TTC7B: variants seen among roughly 807,000 people sequenced by gnomAD.
TTC7B encodes tetratricopeptide repeat domain 7B, also known as tetratricopeptide repeat protein 7B.
Under a neutral mutation model 106.8 loss-of-function variants are expected in TTC7B, and 28 were observed. The observed-to-expected ratio is 0.26, with a 90% confidence interval of 0.19 to 0.36. TTC7B has a LOEUF of 0.36. Among genes scored for constraint, TTC7B ranks in the 10% least tolerant of loss-of-function variants. The pLI, the probability that TTC7B is intolerant of heterozygous loss-of-function variation, is 1.00. For missense variants in TTC7B, 862 were observed against 1,076.4 expected (o/e 0.80, Z 2.79); for synonymous variants, 405 against 430.6 (o/e 0.94, Z 0.74).
chr14:90,685,635 T>A (rs1887224941), intron 7 of TTC7B, among the ~76,000 whole-genome samples: 1 of 151,992 alleles, frequency 6.6e-6, no homozygotes, highest in Non-Finnish European at 1.5e-5. Context: ...ACGACTTAAA[T>A]TACTAAAATG....
At chr14:90,659,295 GT>G (rs146985420) in intron 9 of TTC7B, among the ~76,000 whole-genome samples, 1 of 149,084 alleles carries the variant, frequency 6.7e-6, no homozygotes, top group African/African-American at 2.5e-5. Flanking sequence ...AAGGGGAGGT[GT>G]TTTTTTTTAG....
At chr14:90,767,814 T>C (rs1242251693) in intron 3 of TTC7B, among the ~76,000 whole-genome samples, 2 of 152,094 alleles carry the variant, frequency 1.3e-5, no homozygotes, top group Admixed American at 1.3e-4. Context: ...GTGGGAATTA[T>C]AGAAGGAAAA....
At chr14:90,567,985 G>A (rs115335750) in intron 19 of TTC7B, among the ~76,000 whole-genome samples, 3 of 152,220 alleles carry the variant, frequency 2.0e-5, no homozygotes, top group Non-Finnish European at 4.4e-5. Flanking sequence ...GGTTGACACG[G>A]CCCAAAGAGA....
At position 90,579,138 on chromosome 14, in the gene TTC7B, C is replaced by T. The variant is rs180757102; in HGVS notation, c.2108-830G>A. 1.4e-4 allele frequency among the ~76,000 whole-genome samples: 22 copies of T among 152,332 alleles called. 1 individual carries two copies. The highest frequency in any genetic ancestry group is 1.2e-3 in the South Asian group (6 of 4,832). ...GGAACGTGTCAACTGGCCCCGAGGG[C>T]CTCTTCTCCTGAGGCCTTGCCAATT... is the stretch of plus-strand genomic sequence containing the variant. On this transcript the variant is annotated intron_variant, in intron 18 of 19. Transcript: ENST00000328459.
chr14:90,773,363 C>T (rs1399446788), intron 3 of TTC7B, among the ~76,000 whole-genome samples: 1 of 152,180 alleles, frequency 6.6e-6, no homozygotes, highest in African/African-American at 2.4e-5. Context: ...CAACCATATC[C>T]TCACTCACAA....
chr14:90,799,084 G>A (rs2030078809), intron 1 of TTC7B, among the ~76,000 whole-genome samples: 1 of 152,086 alleles, frequency 6.6e-6, no homozygotes, highest in African/African-American at 2.4e-5. Flanking sequence ...ACTACCGAGA[G>A]CCCATCTCCC....
chr14:90,613,664 A>G (rs747529632), intron 16 of TTC7B, among the ~76,000 whole-genome samples: 5 of 152,102 alleles, frequency 3.3e-5, no homozygotes, highest in Non-Finnish European at 7.4e-5. Flanking sequence ...ACTTCTGTGA[A>G]CCACCCATTT....
intron 19 of TTC7B, among the ~76,000 whole-genome samples, chr14:90,558,272 C>T (rs923876684): frequency 1.3e-5 from 2 of 152,248 alleles, no homozygotes. Flanking sequence ...TAAGCCCCGT[C>T]TAGATCTCCA....
chr14:90,814,540 A>G (rs2140068823), intron 1 of TTC7B, among the ~76,000 whole-genome samples: 1 of 152,308 alleles, frequency 6.6e-6, no homozygotes, highest in South Asian at 2.1e-4. Context: ...GTGAATGAAT[A>G]AGCAAAGACA....
rs1889309465 is a variant in TTC7B at position 90,532,438 on chromosome 14, G to C, written c.*8930C>G. ...CCCTTTTGCAAACTGGCTGGGCCTA[G>C]TCATCTGGTACAAAGTGGCAGAACC... On this transcript the variant is annotated 3_prime_UTR_variant, in exon 20 of 20. Transcript: ENST00000328459. 1 of 152,192 alleles carries C rather than the reference G, an allele frequency of 6.6e-6. No individual in the cohort carries two copies. The highest frequency in any genetic ancestry group is 2.1e-4 in the South Asian group (1 of 4,822). The allele number at this position is 152,192 out of a possible 1,614,324, so 9.4% of individuals were successfully genotyped here.
chr14:90,740,965 C>T (rs1889737412), intron 4 of TTC7B, among the ~76,000 whole-genome samples: 1 of 152,196 alleles, frequency 6.6e-6, no homozygotes, highest in African/African-American at 2.4e-5. Flanking sequence ...TGCTGGGAGG[C>T]ACATGAGTTA....
At chr14:90,598,258 A>G (rs559259617) in intron 17 of TTC7B, among the ~76,000 whole-genome samples, 1 of 152,350 alleles carries the variant, frequency 6.6e-6, no homozygotes, top group Admixed American at 6.5e-5. Flanking sequence ...TCTGTCGTCA[A>G]ACGGCCCGAA....
intron 9 of TTC7B, 55 bp downstream of exon 9, chr14:90,676,468 T>C: frequency 6.3e-7 from 1 of 1,595,010 alleles, no homozygotes; most frequent in Non-Finnish European, 8.6e-7. Flanking sequence ...TTCCCTGGGG[T>C]CACCGTGCAA....
rs1403278108 is a variant in TTC7B at position 90,710,145 on chromosome 14, T to C, written c.699-14567A>G. On this transcript the variant is annotated intron_variant, in intron 5 of 19. Coordinates refer to ENST00000328459, the MANE Select transcript of TTC7B (RefSeq NM_001010854.2). Reference sequence around the variant, plus strand: ...TGTGATTCATGGGAGGACATCCAAATATCAAGAAGAACTGGAGCTTGGAAT... The same window carrying C: ...TGTGATTCATGGGAGGACATCCAAACATCAAGAAGAACTGGAGCTTGGAAT... Among the ~76,000 whole-genome samples the C allele has an allele frequency of 2.0e-5, 3 of 151,532 alleles. 1 individual carries two copies. The highest frequency in any genetic ancestry group is 4.4e-5 in the Non-Finnish European group (3 of 67,892).
At chr14:90,582,617 G>A (rs928801452) in intron 18 of TTC7B, among the ~76,000 whole-genome samples, 6 of 152,256 alleles carry the variant, frequency 3.9e-5, no homozygotes, top group Non-Finnish European at 8.8e-5. Context: ...GTAACTCTCA[G>A]TCAAGCCTAA....
chr14:90,797,045 A>G lies in TTC7B; in HGVS notation c.122-10717T>C, dbSNP rs186884026. Among the ~76,000 whole-genome samples the G allele has an allele frequency of 2.0e-5, 3 of 150,040 alleles. 1 individual carries two copies. Among genetic ancestry groups the G allele is most frequent in the African/African-American group, 2.4e-5 (1 of 41,280 alleles). On this transcript the variant is annotated intron_variant, in intron 1 of 19. Transcript: ENST00000328459. ...ATTTTAGTAGAGACAATGTTTTCCC[A>G]TGTTGGCCAAGCTGGTCTGGAACTC...
chr14:90,796,074 C>T (rs1891766222), intron 1 of TTC7B, among the ~76,000 whole-genome samples: 1 of 152,174 alleles, frequency 6.6e-6, no homozygotes, highest in African/African-American at 2.4e-5. Flanking sequence ...TCCGGCACGC[C>T]ATGCACAAAC....
intron 13 of TTC7B, among the ~76,000 whole-genome samples, chr14:90,650,048 T>C (rs1885648948): frequency 6.6e-6 from 1 of 152,194 alleles, no homozygotes; most frequent in Non-Finnish European, 1.5e-5. Context: ...CCCAAGGATG[T>C]TGTGGCATCT....
chr14:90,651,337 C>A (rs1490912945), intron 13 of TTC7B, among the ~76,000 whole-genome samples: 3 of 152,212 alleles, frequency 2.0e-5, no homozygotes, highest in Non-Finnish European at 4.4e-5. Flanking sequence ...TTTTATTACT[C>A]TTTATTCCCA....
Sources: allele counts gnomAD v4.1 joint callset (sites outside exome capture counted in the v4.1 genomes callset), GRCh38; gene constraint gnomAD v4.1.1; transcripts MANE v1.5; gene names NCBI Gene and HGNC (gene_info 2026-07-23, HGNC 2026-07-21).